Variants in MSI2 observed in about 807,000 individuals in gnomAD.
MSI2 encodes the protein musashi RNA binding protein 2.
MSI2 carries 17 observed loss-of-function variants against 45.6 expected under a neutral mutation model. The observed-to-expected ratio is 0.37, with a 90% confidence interval of 0.26 to 0.56. The LOEUF is 0.56. MSI2 is among the 20% of genes least tolerant of loss of function. The pLI, the probability that MSI2 is intolerant of heterozygous loss-of-function variation, is 0.77. For synonymous variants in MSI2, 156 were observed against 158.2 expected (o/e 0.99, Z 0.11); for missense variants, 293 against 444.2 (o/e 0.66, Z 3.06).
chr17:57,371,478 C>T (rs1419983774), intron 5 of MSI2, among the ~76,000 whole-genome samples: 4 of 147,820 alleles, frequency 2.7e-5, no homozygotes, highest in South Asian at 2.2e-4. Context: ...ATGAACATTT[C>T]GGTACATTTT....
chr17:57,379,277 A>G (rs544944625), intron 5 of MSI2, among the ~76,000 whole-genome samples: 1 of 151,516 alleles, frequency 6.6e-6, no homozygotes, highest in African/African-American at 2.4e-5. Flanking sequence ...TACTCGATCT[A>G]CTTTCCCCAA....
intron 7 of MSI2, among the ~76,000 whole-genome samples, chr17:57,586,294 C>G (rs2088345886): frequency 6.6e-6 from 1 of 152,164 alleles, no homozygotes; most frequent in Non-Finnish European, 1.5e-5. Context: ...ATCACACTAT[C>G]AGTATTCATG....
intron 7 of MSI2, among the ~76,000 whole-genome samples, chr17:57,544,760 G>A (rs191318849): frequency 2.6e-4 from 39 of 152,224 alleles, no homozygotes; most frequent in African/African-American, 8.7e-4. Flanking sequence ...TAGCAAATAT[G>A]CCAAGACCAT....
intron 6 of MSI2, among the ~76,000 whole-genome samples, chr17:57,474,937 T>C (rs1320966521): frequency 6.6e-6 from 1 of 152,098 alleles, no homozygotes; most frequent in Non-Finnish European, 1.5e-5. Flanking sequence ...GTCAGGCTCA[T>C]CTCCAAATGC....
chr17:57,670,604 C>T (rs529768114), intron 11 of MSI2, among the ~76,000 whole-genome samples: 2 of 152,214 alleles, frequency 1.3e-5, no homozygotes, highest in South Asian at 2.1e-4. Context: ...CTCCTCTTGC[C>T]GTCCTCGGTG....
chr17:57,304,568 G>A (rs544634618), intron 5 of MSI2, among the ~76,000 whole-genome samples: 3 of 151,362 alleles, frequency 2.0e-5, no homozygotes, highest in South Asian at 2.1e-4. Flanking sequence ...GACTATAGGC[G>A]CCTACCAGCA....
intron 5 of MSI2, among the ~76,000 whole-genome samples, chr17:57,387,032 GC>G (rs1399784370): frequency 1.3e-5 from 2 of 152,218 alleles, no homozygotes; most frequent in African/African-American, 4.8e-5. Context: ...TGATTTGACA[GC>G]CCTCCAGGGT....
At chr17:57,586,188 G>A (rs929363441) in intron 7 of MSI2, among the ~76,000 whole-genome samples, 4 of 152,244 alleles carry the variant, frequency 2.6e-5, no homozygotes, top group Non-Finnish European at 5.9e-5. Context: ...AAATGAGGCT[G>A]GGGTTGTCTG....
At chr17:57,677,937 C>A (rs1196412348) in intron 13 of MSI2, among the ~76,000 whole-genome samples, 1 of 152,090 alleles carries the variant, frequency 6.6e-6, no homozygotes, top group African/African-American at 2.4e-5. Context: ...TGTGTTAGCA[C>A]GTTAAGTTTG....
intron 10 of MSI2, among the ~76,000 whole-genome samples, chr17:57,639,674 G>A (rs1439640729): frequency 6.6e-6 from 1 of 152,234 alleles, no homozygotes; most frequent in Admixed American, 6.5e-5. Flanking sequence ...CCCACCCTGA[G>A]TCTGAGCAGA....
intron 10 of MSI2, among the ~76,000 whole-genome samples, chr17:57,645,184 G>A (rs1004554319): frequency 2.0e-5 from 3 of 152,150 alleles, no homozygotes; most frequent in Admixed American, 1.3e-4. Flanking sequence ...GCTCCCACCC[G>A]ATTCTGTGGG....
chr17:57,374,018 A>C (rs1211830642), intron 5 of MSI2, among the ~76,000 whole-genome samples: 1 of 152,206 alleles, frequency 6.6e-6, no homozygotes, highest in Non-Finnish European at 1.5e-5. Flanking sequence ...ATGTCTACTT[A>C]GTAAACAGAT....
chr17:57,356,290 C>T (rs890235929), intron 5 of MSI2, among the ~76,000 whole-genome samples: 19 of 152,112 alleles, frequency 1.2e-4, no homozygotes, highest in Admixed American at 1.1e-3. Context: ...TCTTTTTTGG[C>T]GGGCATGTTT....
the MSI2 span, among the ~76,000 whole-genome samples, chr17:57,689,788 G>A: frequency 1.3e-5 from 2 of 152,142 alleles, no homozygotes; most frequent in African/African-American, 4.8e-5. Flanking sequence ...CAAACAGGAT[G>A]GATTCTTTGT....
intron 5 of MSI2, among the ~76,000 whole-genome samples, chr17:57,323,771 C>T (rs886169776): frequency 2.0e-5 from 3 of 152,240 alleles, no homozygotes; most frequent in Admixed American, 6.5e-5. Context: ...TTAGGTGGAT[C>T]ATGGGGTAGC....
intron 8 of MSI2, among the ~76,000 whole-genome samples, chr17:57,597,266 T>TA (rs1905329704): frequency 2.0e-5 from 3 of 152,080 alleles, no homozygotes; most frequent in African/African-American, 7.2e-5. Flanking sequence ...AAGCTTTGTT[T>TA]ATGGACACCA....
intron 6 of MSI2, among the ~76,000 whole-genome samples, chr17:57,519,527 C>T (rs909099938): frequency 3.3e-5 from 5 of 152,084 alleles, no homozygotes; most frequent in South Asian, 2.1e-4. Context: ...TGGAGGAGCC[C>T]GGTGATCTCG....
chr17:57,261,130 C>A (rs181076512), intron 4 of MSI2, among the ~76,000 whole-genome samples: 3 of 152,210 alleles, frequency 2.0e-5, no homozygotes, highest in Non-Finnish European at 2.9e-5. Context: ...CTTTCCTCCT[C>A]TTTTTATCTG....
At chr17:57,296,131 TA>T (rs1453318588) in intron 5 of MSI2, among the ~76,000 whole-genome samples, 2 of 151,820 alleles carry the variant, frequency 1.3e-5, no homozygotes, top group Non-Finnish European at 2.9e-5. Context: ...TTTCTTTTTT[TA>T]TGCAAGATTT....
Sources: allele counts gnomAD v4.1 joint callset (sites outside exome capture counted in the v4.1 genomes callset), GRCh38; gene constraint gnomAD v4.1.1; transcripts MANE v1.5; gene names NCBI Gene and HGNC (gene_info 2026-07-23, HGNC 2026-07-21).